Variants in RGS20 observed in about 807,000 individuals in gnomAD.
The protein encoded by RGS20 is regulator of G protein signaling 20.
A neutral mutation model predicts 33.6 loss-of-function variants in RGS20; 30 were observed. The observed-to-expected ratio is 0.89, with a 90% CI of 0.67 to 1.21. The LOEUF (loss-of-function observed/expected upper bound fraction) is 1.21. Ranked by LOEUF, RGS20 falls within the 50% of genes most tolerant of loss-of-function variation. RGS20 has a pLI of 0.00. For missense variants in RGS20, 472 were observed against 502.4 expected, an observed-to-expected ratio of 0.94 and a Z score of 0.58; for synonymous variants, 208 against 197.9, an observed-to-expected ratio of 1.05 and a Z score of -0.43.
chr8:53,916,950 C>T (rs1813500881), intron 2 of RGS20, among the ~76,000 whole-genome samples: 1 of 152,096 alleles, frequency 6.6e-6, no homozygotes, highest in Non-Finnish European at 1.5e-5. Context: ...ACACGAATCC[C>T]TTTCATAAAG....
At chr8:53,953,177 C>T (rs769349051) in intron 4 of RGS20, among the ~76,000 whole-genome samples, 1 of 152,302 alleles carries the variant, frequency 6.6e-6, no homozygotes, top group Middle Eastern at 3.4e-3. Flanking sequence ...ATCCATGTAA[C>T]AAAAGTGCAC....
At chr8:53,952,634 G>A (rs567241557) in intron 4 of RGS20, among the ~76,000 whole-genome samples, 1 of 151,050 alleles carries the variant, frequency 6.6e-6, no homozygotes, top group East Asian at 2.0e-4. Context: ...GCTGAGGCAG[G>A]AGAATCACTT....
chr8:53,949,867 T>TCTAG (rs1814660227), intron 4 of RGS20, among the ~76,000 whole-genome samples: 1 of 148,282 alleles, frequency 6.7e-6, no homozygotes, highest in East Asian at 2.0e-4. Context: ...TGAGATGGAG[T>TCTAG]CTAGCTCTGT....
At chr8:53,892,699 A>C (rs1377504361) in intron 2 of RGS20, among the ~76,000 whole-genome samples, 1 of 152,220 alleles carries the variant, frequency 6.6e-6, no homozygotes, top group Non-Finnish European at 1.5e-5. Context: ...CAGAGGGTTC[A>C]AGAGAGTATC....
chr8:53,954,835 G>A (rs1157022002), intron 5 of RGS20, among the ~76,000 whole-genome samples: 13 of 150,284 alleles, frequency 8.7e-5, no homozygotes, highest in African/African-American at 2.4e-4. Context: ...TTATAGGTGC[G>A]CACCACCAGG....
rs1812237853 is a variant in RGS20, at chr8:53,877,607, G to C, written c.166-1651G>C. 6.6e-6 allele frequency among the ~76,000 whole-genome samples: 1 copy of C among 152,242 alleles called. No homozygotes were observed. Among genetic ancestry groups the C allele is most frequent in the African/African-American group, 2.4e-5 (1 of 41,478 alleles). ...TCTCCAGAAGCCTCCTCGGCTCCCA[G>C]CTCCAGCCCCTAAAATAAAAGCACC... On this transcript the variant is annotated intron_variant, in intron 1 of 5. Coordinates refer to ENST00000297313, the MANE Select transcript of RGS20 (RefSeq NM_170587.4). The surrounding 1 kb of genome is among the most constrained non-coding windows in gnomAD (Gnocchi z 5.7).
chr8:53,918,875 C>G (rs1415657980), intron 2 of RGS20, among the ~76,000 whole-genome samples: 1 of 152,176 alleles, frequency 6.6e-6, no homozygotes, highest in African/African-American at 2.4e-5. Context: ...AAACAAACAG[C>G]ATTTGTTTAC....
intron 1 of RGS20, among the ~76,000 whole-genome samples, chr8:53,872,784 C>T (rs543717107): frequency 2.0e-5 from 3 of 152,108 alleles, no homozygotes; most frequent in Non-Finnish European, 4.4e-5. Flanking sequence ...TTAACTCTGC[C>T]GTCCTTCCTC....
At chr8:53,881,280 G>T (rs974144379) in intron 2 of RGS20, among the ~76,000 whole-genome samples, 196 bp downstream of exon 1, 1 of 152,104 alleles carries the variant, frequency 6.6e-6, no homozygotes, top group Non-Finnish European at 1.5e-5. Context: ...GGGGCTGCGA[G>T]TGCGTCCGCG....
chr8:53,855,146 C>T (rs969638201), intron 1 of RGS20, among the ~76,000 whole-genome samples: 9 of 152,050 alleles, frequency 5.9e-5, no homozygotes, highest in Admixed American at 5.2e-4. Context: ...CTCACTGCAA[C>T]CTCTGCCTCC....
At chr8:53,866,432 A>G (rs1025133246) in intron 1 of RGS20, among the ~76,000 whole-genome samples, 5 of 151,364 alleles carry the variant, frequency 3.3e-5, no homozygotes, top group Admixed American at 1.3e-4. Context: ...GCTAGAGTGC[A>G]GTGGCACAAT....
intron 2 of RGS20, among the ~76,000 whole-genome samples, chr8:53,893,186 G>T (rs942488384): frequency 7.9e-5 from 12 of 152,126 alleles, no homozygotes; most frequent in Non-Finnish European, 1.3e-4. Flanking sequence ...GTTGACCTTT[G>T]CAGAGGAAAG....
chr8:53,871,256 T>C (rs1812060654), intron 1 of RGS20, among the ~76,000 whole-genome samples: 1 of 152,152 alleles, frequency 6.6e-6, no homozygotes, highest in African/African-American at 2.4e-5. Flanking sequence ...ACCTTGCTTT[T>C]GTCCTCATTT....
intron 2 of RGS20, among the ~76,000 whole-genome samples, chr8:53,925,507 GT>G (rs1469957982): frequency 6.6e-6 from 1 of 152,214 alleles, no homozygotes; most frequent in East Asian, 1.9e-4. Context: ...GCTGGATGTG[GT>G]GGCTCATGCC....
intron 2 of RGS20, among the ~76,000 whole-genome samples, chr8:53,914,147 C>G (rs1426867757): frequency 1.3e-5 from 2 of 151,292 alleles, no homozygotes; most frequent in African/African-American, 4.9e-5. Flanking sequence ...CCTCCTGCCT[C>G]AGCCTACTGA....
At chr8:53,918,000 G>A (rs574354914) in intron 2 of RGS20, among the ~76,000 whole-genome samples, 201 of 152,228 alleles carry the variant, frequency 1.3e-3, no homozygotes, top group Non-Finnish European at 2.5e-3. Context: ...GGACTTCGGG[G>A]TCTTGATTCC....
At chr8:53,946,887 C>A in intron 4 of RGS20, 139 bp downstream of exon 3, 1 of 603,608 alleles carries the variant, frequency 1.7e-6, no homozygotes, top group African/African-American at 1.9e-5. Context: ...TGTGGCCTCG[C>A]ATTCCTCCCC....
intron 4 of RGS20, among the ~76,000 whole-genome samples, chr8:53,947,644 C>T (rs1343873521): frequency 2.1e-4 from 16 of 74,972 alleles, no homozygotes; most frequent in Admixed American, 5.0e-4. Flanking sequence ...GGATATAGTA[C>T]ATACATTTAT....
intron 2 of RGS20, among the ~76,000 whole-genome samples, chr8:53,921,817 T>A (rs7016925): frequency 0.4 from 61,276 of 151,942 alleles, 15,388 homozygotes; most frequent in African/African-American, 0.72. Context: ...AATTTTCTCT[T>A]TTGTATTTTT....
Sources: gnomAD v4.1 joint callset for allele counts (sites outside exome capture counted in the v4.1 genomes callset) on GRCh38, gnomAD v4.1.1 for gene constraint, Gnocchi (gnomAD v3.1) non-coding constraint, MANE v1.5 for transcripts, NCBI Gene and HGNC (gene_info 2026-07-23, HGNC 2026-07-21) for gene names.